The following ERC1 variants were observed in gnomAD, a reference collection of about 807,000 sequenced individuals.
ERC1 encodes the protein ELKS/RAB6-interacting/CAST family member 1.
Under a neutral mutation model 132.0 loss-of-function variants are expected in ERC1, and 56 were observed. The observed-to-expected ratio is 0.42, with a 90% CI of 0.34 to 0.53. The LOEUF (loss-of-function observed/expected upper bound fraction) is 0.53. Ranked by LOEUF, ERC1 falls within the 20% of genes least tolerant of loss-of-function variation. ERC1 has a pLI of 0.03. For missense variants in ERC1, 1,202 were observed against 1,349.9 expected (o/e 0.89, Z 1.72); for synonymous variants, 478 against 476.1 (o/e 1.00, Z -0.05).
chr12:1,169,258 G>A (rs77073175), intron 8 of ERC1, among the ~76,000 whole-genome samples: 43 of 152,278 alleles, frequency 2.8e-4, no homozygotes, highest in African/African-American at 9.9e-4. Flanking sequence ...TCCCCAGATC[G>A]CTGGAAGTGT....
chr12:1,206,616 A>T (rs1566245282), intron 12 of ERC1, among the ~76,000 whole-genome samples: 2 of 152,160 alleles, frequency 1.3e-5, no homozygotes, highest in East Asian at 3.9e-4. Flanking sequence ...TTTCCTGTTC[A>T]ATGACATTAG....
chr12:1,393,394 G>A (rs115762813), intron 16 of ERC1, among the ~76,000 whole-genome samples: 547 of 152,190 alleles, frequency 3.6e-3, no homozygotes, highest in African/African-American at 0.013. Flanking sequence ...AATTAGCTGG[G>A]CGTGGTGGTG....
chr12:1,420,742 A>G (rs2092392267), intron 17 of ERC1, among the ~76,000 whole-genome samples: 1 of 152,126 alleles, frequency 6.6e-6, no homozygotes, highest in African/African-American at 2.4e-5. Flanking sequence ...GGCATGAGCC[A>G]CCATGCCTGG....
chr12:1,236,325 A>G (rs1015863494), intron 12 of ERC1, among the ~76,000 whole-genome samples: 1 of 152,178 alleles, frequency 6.6e-6, no homozygotes, highest in Non-Finnish European at 1.5e-5. Context: ...ATATACATCT[A>G]CATTATATAC....
At chr12:1,276,586 T>C (rs182634722) in intron 14 of ERC1, among the ~76,000 whole-genome samples, 4 of 151,884 alleles carry the variant, frequency 2.6e-5, no homozygotes, top group Non-Finnish European at 5.9e-5. Context: ...TTTTTTTTTT[T>C]AATAACACTG....
intron 18 of ERC1, among the ~76,000 whole-genome samples, chr12:1,455,453 G>T (rs2093511870): frequency 1.3e-5 from 2 of 152,152 alleles, no homozygotes; most frequent in Non-Finnish European, 2.9e-5. Context: ...TCTGACCACT[G>T]TTACTTAGCT....
At chr12:1,377,250 C>G (rs1380306298) in intron 16 of ERC1, among the ~76,000 whole-genome samples, 1 of 152,180 alleles carries the variant, frequency 6.6e-6, no homozygotes, top group Non-Finnish European at 1.5e-5. Flanking sequence ...AGTTTTCAGT[C>G]TCTCTTGTGG....
In ERC1 at chr12:1,371,836, A is replaced by G. The variant is rs1390833131; in HGVS notation, c.2784A>G (p.Gln928=). The G allele has an allele frequency of 1.2e-6, 2 of 1,613,386 alleles. No individual in the cohort carries two copies. Among genetic ancestry groups the G allele is most frequent in the Non-Finnish European group, 1.7e-6 (2 of 1,179,890 alleles). Residue 928 remains glutamine (Q), a synonymous_variant, in exon 16 of 19, where the codon CAA becomes CAG. Coordinates refer to ENST00000360905, the MANE Select transcript of ERC1 (RefSeq NM_178040.4). ...KHLEEVLEMK[Q]EALLAAISEK... is the part of the protein sequence containing the mutation. ...TGGCATTTGCTTTCTTTTGCAGGCA[A>G]GAAGCTCTTCTGGCTGCCATTAGTG...
chr12:1,457,351 C>T (rs1160814996), intron 18 of ERC1, among the ~76,000 whole-genome samples: 1 of 152,196 alleles, frequency 6.6e-6, no homozygotes, highest in African/African-American at 2.4e-5. Context: ...GAAATTCCTC[C>T]CTCATGGGTC....
intron 12 of ERC1, among the ~76,000 whole-genome samples, chr12:1,199,292 C>G (rs1405182760): frequency 6.6e-6 from 1 of 152,202 alleles, no homozygotes; most frequent in Non-Finnish European, 1.5e-5. Flanking sequence ...GATCACAGTT[C>G]AACATGAGAT....
intron 18 of ERC1, among the ~76,000 whole-genome samples, chr12:1,469,168 G>A (rs950543418): frequency 5.9e-5 from 9 of 152,254 alleles, no homozygotes; most frequent in African/African-American, 2.2e-4. Context: ...AGAGTCTCCT[G>A]CAGGGCTGTG....
At chr12:1,157,436 A>C (rs181366398) in intron 8 of ERC1, among the ~76,000 whole-genome samples, 2 of 152,354 alleles carry the variant, frequency 1.3e-5, no homozygotes, top group East Asian at 3.9e-4. Flanking sequence ...TTGGTTTATA[A>C]AATTTATATA....
intron 2 of ERC1, among the ~76,000 whole-genome samples, chr12:1,063,473 G>A (rs1938456728): frequency 6.6e-6 from 1 of 152,046 alleles, no homozygotes; most frequent in South Asian, 2.1e-4. Context: ...TTTTGGCTAG[G>A]CTGGTCTCGA....
At chr12:1,462,041 A>G (rs2093655447) in intron 18 of ERC1, among the ~76,000 whole-genome samples, 1 of 152,248 alleles carries the variant, frequency 6.6e-6, no homozygotes, top group South Asian at 2.1e-4. Context: ...GATACTTAAA[A>G]CAACATAAGT....
chr12:1,116,452 A>G (rs957502903), intron 7 of ERC1, among the ~76,000 whole-genome samples: 4 of 152,356 alleles, frequency 2.6e-5, no homozygotes, highest in African/African-American at 9.6e-5. Context: ...TATTATGAAT[A>G]ACTGTATATA....
chr12:1,255,407 C>T (rs1178567255), intron 13 of ERC1, among the ~76,000 whole-genome samples: 4 of 152,028 alleles, frequency 2.6e-5, no homozygotes, highest in African/African-American at 4.8e-5. Flanking sequence ...AATAAACATT[C>T]GTGTGCATGT....
intron 14 of ERC1, among the ~76,000 whole-genome samples, chr12:1,268,029 T>G (rs1170706725): frequency 6.6e-6 from 1 of 152,208 alleles, no homozygotes; most frequent in Non-Finnish European, 1.5e-5. Flanking sequence ...CTTCATTGGC[T>G]GAAAATCTCC....
intron 3 of ERC1, among the ~76,000 whole-genome samples, chr12:1,096,071 T>A (rs1943995604): frequency 6.6e-6 from 1 of 151,910 alleles, no homozygotes; most frequent in Non-Finnish European, 1.5e-5. Flanking sequence ...GGACTACACA[T>A]GAGCACCACC....
At chr12:1,407,183 C>T (rs924754621) in intron 16 of ERC1, among the ~76,000 whole-genome samples, 1 of 151,982 alleles carries the variant, frequency 6.6e-6, no homozygotes, top group Admixed American at 6.5e-5. Context: ...GGATTATAGT[C>T]CTTTTCTGGC....
Sources: gnomAD v4.1 joint callset for allele counts (sites outside exome capture counted in the v4.1 genomes callset) on GRCh38, gnomAD v4.1.1 for gene constraint, MANE v1.5 for transcripts, NCBI Gene and HGNC (gene_info 2026-07-23, HGNC 2026-07-21) for gene names.